The following SLC2A9 variants were observed in gnomAD, a reference collection of about 807,000 sequenced individuals.
The protein encoded by SLC2A9 is solute carrier family 2, facilitated glucose transporter member 9.
Under a neutral mutation model 50.6 loss-of-function variants are expected in SLC2A9, and 39 were observed. The ratio of observed to expected loss-of-function variants is 0.77; its 90% CI spans 0.60 to 1.01. The LOEUF (loss-of-function observed/expected upper bound fraction) is 1.01. Among genes scored for constraint, SLC2A9 ranks in the 50% least tolerant of loss-of-function variants. The probability of loss-of-function intolerance (pLI) is 0.00; values close to 1 mark genes in which losing one functional copy is unlikely to be tolerated. For missense variants in SLC2A9, 686 were observed against 677.6 expected (o/e 1.01, Z -0.14); for synonymous variants, 324 against 276.9 (o/e 1.17, Z -1.69).
Position 9,920,482 on chromosome 4 carries a change from A to C in SLC2A9, c.905T>G (p.Val302Gly), listed in dbSNP as rs1560305657. The C allele has an allele frequency of 6.2e-7, 1 of 1,614,168 alleles. No individual in the cohort carries two copies. The highest frequency in any genetic ancestry group is 2.2e-5 in the East Asian group (1 of 44,878). ...AGCTCTCAGCAGCTCCAGCACGGAC[A>C]CCAGGCGGATGCTCCTCTGCACGCG... ...ESRVQRSIRLVSVLELLRAPY... is the reference protein window; with the variant it reads ...ESRVQRSIRLGSVLELLRAPY... The change falls in exon 7 of 12, where the codon GTG (valine) becomes GGG (glycine). Residue 302 changes from valine (V) to glycine (G), a missense_variant. Coordinates refer to ENST00000264784, the MANE Select transcript of SLC2A9 (RefSeq NM_020041.3).
intron 3 of SLC2A9, among the ~76,000 whole-genome samples, chr4:9,989,619 G>C (rs1757331773): frequency 6.6e-6 from 1 of 151,848 alleles, no homozygotes; most frequent in Non-Finnish European, 1.5e-5. Flanking sequence ...CTATTGCAAG[G>C]TTCTCCCAAC....
chr4:10,019,115 G>T, intron 1 of SLC2A9, 42 bp from the exon 2 acceptor site: 1 of 1,510,604 alleles, frequency 6.6e-7, no homozygotes, highest in Non-Finnish European at 9.0e-7. Flanking sequence ...CACCGGGCGC[G>T]CAGCCAGGGC....
At chr4:9,825,475 A>G (rs185623560), downstream of SLC2A9, among the ~76,000 whole-genome samples, 1 of 152,280 alleles carries the variant, frequency 6.6e-6, no homozygotes, top group African/African-American at 2.4e-5. Context: ...AACATGAGGT[A>G]CATGTGCTGA....
intron 7 of SLC2A9, among the ~76,000 whole-genome samples, chr4:9,912,772 C>A (rs1742086651): frequency 6.6e-6 from 1 of 152,110 alleles, no homozygotes; most frequent in Non-Finnish European, 1.5e-5. Flanking sequence ...TCCTGGGAAC[C>A]CCAGAACATC....
At chr4:9,902,842 C>T (rs957090581) in intron 8 of SLC2A9, among the ~76,000 whole-genome samples, 3 of 152,212 alleles carry the variant, frequency 2.0e-5, no homozygotes, top group African/African-American at 7.2e-5. Flanking sequence ...AAGTCACATT[C>T]CGAGGTACTA....
intron 3 of SLC2A9, among the ~76,000 whole-genome samples, chr4:9,799,582 A>G (rs1408993899): frequency 3.3e-5 from 5 of 152,178 alleles, no homozygotes; most frequent in African/African-American, 7.2e-5. Context: ...GGAGAGACAC[A>G]GACATTCAGA....
downstream of SLC2A9, among the ~76,000 whole-genome samples, chr4:9,795,630 G>A (rs1255697646): frequency 1.3e-5 from 2 of 152,164 alleles, no homozygotes; most frequent in African/African-American, 2.4e-5. Flanking sequence ...TGGCTGGGCT[G>A]GAGGGCCATT....
chr4:9,970,334 G>A (rs143767158), intron 5 of SLC2A9, among the ~76,000 whole-genome samples: 2 of 152,340 alleles, frequency 1.3e-5, no homozygotes, highest in Non-Finnish European at 2.9e-5. Flanking sequence ...TCGGGTGGCA[G>A]TCACAGGTTG....
chr4:9,814,096 T>G (rs933537396), intron 3 of SLC2A9, among the ~76,000 whole-genome samples: 4 of 152,116 alleles, frequency 2.6e-5, no homozygotes, highest in African/African-American at 9.7e-5. Flanking sequence ...GCCAAGATTG[T>G]GCCACTGCAC....
chr4:9,818,553 G>T (rs907135778), intron 3 of SLC2A9, among the ~76,000 whole-genome samples: 1 of 152,228 alleles, frequency 6.6e-6, no homozygotes, highest in African/African-American at 2.4e-5. Flanking sequence ...ATTACTGAGA[G>T]AACTTTGGTT....
At chr4:10,025,733 T>C (rs1183797632), upstream of SLC2A9, 1 of 631,150 alleles carries the variant, frequency 1.6e-6, no homozygotes, top group Non-Finnish European at 2.8e-6. Flanking sequence ...TCCCAGACAC[T>C]CTACAATCCC....
At chr4:9,974,485 CA>C (rs773662680) in intron 5 of SLC2A9, among the ~76,000 whole-genome samples, 10 of 143,978 alleles carry the variant, frequency 6.9e-5, no homozygotes, top group Non-Finnish European at 1.1e-4. Context: ...AGCTGAGAGC[CA>C]AAGCAAGAAT....
At chr4:9,848,370 A>G (rs1340899198) in intron 10 of SLC2A9, among the ~76,000 whole-genome samples, 2 of 152,110 alleles carry the variant, frequency 1.3e-5, no homozygotes, top group Non-Finnish European at 2.9e-5. Flanking sequence ...AAAAAAAAAA[A>G]AAATGGAAAG....
intron 5 of SLC2A9, among the ~76,000 whole-genome samples, chr4:9,964,589 G>A (rs373513304): frequency 2.6e-5 from 4 of 152,288 alleles, no homozygotes; most frequent in Non-Finnish European, 5.9e-5. Flanking sequence ...GTTGCTGGGT[G>A]GCTGGGGCTT....
intron 5 of SLC2A9, among the ~76,000 whole-genome samples, chr4:9,944,671 G>A (rs1353877813): frequency 6.6e-6 from 1 of 152,194 alleles, no homozygotes; most frequent in Non-Finnish European, 1.5e-5. Context: ...AGGGTCGGGA[G>A]TGTCCAGAGT....
chr4:9,840,593 T>C (rs1026411468), intron 10 of SLC2A9, among the ~76,000 whole-genome samples: 3 of 152,184 alleles, frequency 2.0e-5, no homozygotes, highest in African/African-American at 7.2e-5. Flanking sequence ...TCTCCATTTG[T>C]ATTTTGGTAT....
intron 1 of SLC2A9, among the ~76,000 whole-genome samples, chr4:10,032,986 A>G (rs915524572): frequency 3.9e-5 from 6 of 152,132 alleles, no homozygotes; most frequent in African/African-American, 1.4e-4. Flanking sequence ...ATGCATGTAA[A>G]GCCGGGCACT....
chr4:10,018,696 C>T (rs959807806), intron 2 of SLC2A9, among the ~76,000 whole-genome samples: 1 of 151,946 alleles, frequency 6.6e-6, no homozygotes, highest in Non-Finnish European at 1.5e-5. Context: ...CCCCACCCCA[C>T]CCCGGGACTT....
In SLC2A9 at chr4:10,002,797, G is replaced by A. The variant is rs112975401; in HGVS notation, c.250-5856C>T. Among the ~76,000 whole-genome samples the A allele has an allele frequency of 3.9e-3, 587 of 152,304 alleles. 6 individuals are homozygous for A. The highest frequency in any genetic ancestry group is 0.013 in the African/African-American group (549 of 41,572). On this transcript the variant is annotated intron_variant, in intron 2 of 11. Coordinates refer to ENST00000264784, the MANE Select transcript of SLC2A9 (RefSeq NM_020041.3). ...GAACCCTGGAGGCAGAGGTTGCAGG[G>A]AGCCAAGATTGCGCCACTGCACTCC...
Sources: gnomAD v4.1 joint callset for allele counts (sites outside exome capture counted in the v4.1 genomes callset) on GRCh38, gnomAD v4.1.1 for gene constraint, MANE v1.5 for transcripts, NCBI Gene and HGNC (gene_info 2026-07-23, HGNC 2026-07-21) for gene names.